GPR158: variants seen among roughly 807,000 people sequenced by gnomAD.
The protein encoded by GPR158 is metabotropic glycine receptor.
Under a neutral mutation model 78.2 loss-of-function variants are expected in GPR158, and 30 were observed. The ratio of observed to expected loss-of-function variants is 0.38; its 90% confidence interval spans 0.29 to 0.52. GPR158 has a LOEUF of 0.52. Ranked by LOEUF, GPR158 falls within the 20% of genes least tolerant of loss-of-function variation. GPR158 has a pLI of 0.83. For missense variants in GPR158, 1,463 were observed against 1,523.5 expected (o/e 0.96, Z 0.66); for synonymous variants, 581 against 591.1 (o/e 0.98, Z 0.25).
At position 25,239,607 on chromosome 10, in the gene GPR158, CA is replaced by C. The variant is rs11394522; in HGVS notation, c.1008+18465del. On this transcript the variant is annotated intron_variant, in intron 2 of 10. Transcript: ENST00000376351. ...TGGGTGACAGAGCGAGACTCTGTCTCAAAAAAAAAAAAAAAGTTATCACCAA... is the reference window on the plus strand; with the variant it reads ...TGGGTGACAGAGCGAGACTCTGTCTCAAAAAAAAAAAAAAGTTATCACCAA... Among the ~76,000 whole-genome samples the C allele has an allele frequency of 6.3e-3, 866 of 137,742 alleles. 13 individuals are homozygous for C. Among genetic ancestry groups the C allele is most frequent in the African/African-American group, 0.02 (743 of 37,536 alleles). The allele number at this position is 137,742 out of a possible 152,430, so 90.4% of individuals were successfully genotyped here.
intron 5 of GPR158, among the ~76,000 whole-genome samples, chr10:25,546,637 A>G (rs958481078): frequency 3.3e-5 from 5 of 152,100 alleles, no homozygotes; most frequent in Non-Finnish European, 7.4e-5. Flanking sequence ...AGAAATATTT[A>G]CTGAGCACTT....
At chr10:25,193,559 G>A (rs977883859) in intron 1 of GPR158, among the ~76,000 whole-genome samples, 5 of 152,210 alleles carry the variant, frequency 3.3e-5, no homozygotes, top group African/African-American at 1.2e-4. Context: ...CGTGCAGAAG[G>A]TGCTCAATAA....
intron 2 of GPR158, among the ~76,000 whole-genome samples, chr10:25,265,890 T>G (rs1854038884): frequency 6.6e-6 from 1 of 152,176 alleles, no homozygotes; most frequent in Admixed American, 6.5e-5. Context: ...GAGTGTTATT[T>G]TCAAAATGAA....
chr10:25,535,842 A>T (rs1836493068), intron 5 of GPR158, among the ~76,000 whole-genome samples: 1 of 152,180 alleles, frequency 6.6e-6, no homozygotes, highest in South Asian at 2.1e-4. Context: ...TTCTGTCCTT[A>T]TTTGAAGATA....
chr10:25,552,745 C>T (rs1836743049), intron 6 of GPR158, among the ~76,000 whole-genome samples: 1 of 152,172 alleles, frequency 6.6e-6, no homozygotes, highest in Non-Finnish European at 1.5e-5. Flanking sequence ...CATTCATATT[C>T]CCCTGACTCA....
Position 25,598,221 on chromosome 10 carries a change from C to T in GPR158, c.2595C>T (p.Ser865=), listed in dbSNP as rs745646013. 4.5e-5 allele frequency: 72 copies of T among 1,614,054 alleles called. No homozygotes were observed. The highest frequency in any genetic ancestry group is 1.7e-4 in the Middle Eastern group (1 of 6,060). The change falls in exon 11 of 11, where the codon AGC becomes AGT. Residue 865 remains serine, a synonymous_variant. Coordinates refer to ENST00000376351, the MANE Select transcript of GPR158 (RefSeq NM_020752.3). ...TAACACAAAAACTAAAAGAAGACAG[C>T]GAGGCTGAGTCCACGGAGTCGGTGC... ...KKLTQKLKED[S]EAESTESVPL... is the part of the protein sequence containing the mutation.
intron 5 of GPR158, among the ~76,000 whole-genome samples, chr10:25,511,233 C>T (rs1410021582): frequency 6.6e-6 from 1 of 152,118 alleles, no homozygotes; most frequent in East Asian, 1.9e-4. Context: ...TTGGTTATGG[C>T]CATTCTTGCA....
At chr10:25,230,036 T>A (rs1853428083) in intron 2 of GPR158, among the ~76,000 whole-genome samples, 2 of 152,200 alleles carry the variant, frequency 1.3e-5, no homozygotes, top group African/African-American at 4.8e-5. Context: ...GCTTTGTGCT[T>A]GCCAGAATGT....
chr10:25,341,427 G>C (rs981586729), intron 2 of GPR158, among the ~76,000 whole-genome samples: 3 of 151,816 alleles, frequency 2.0e-5, no homozygotes, highest in African/African-American at 7.2e-5. Context: ...ATAAGCCAAG[G>C]ATGTATATTG....
At position 25,596,672 on chromosome 10, in the gene GPR158, T is replaced by A. The variant is rs754580036; in HGVS notation, c.2028T>A (p.Asp676Glu). 1.2e-6 allele frequency: 2 copies of A among 1,613,216 alleles called. No individual in the cohort carries two copies. The highest frequency in any genetic ancestry group is 1.7e-6 in the Non-Finnish European group (2 of 1,179,362). ...CACATTCAAGCAATAACCCACGAGATGATATTGCTACAGAAGCATATGAGG... is the reference window on the plus strand; with the variant it reads ...CACATTCAAGCAATAACCCACGAGAAGATATTGCTACAGAAGCATATGAGG... ...KFSHSSNNPR[D>E]DIATEAYEDE... The change falls in exon 10 of 11, where the codon GAT (aspartate) becomes GAA (glutamate). Residue 676 changes from aspartate to glutamate, a missense_variant. By Grantham distance (45) the Asp-to-Glu change is conservative (BLOSUM62 2). Coordinates refer to ENST00000376351, the MANE Select transcript of GPR158 (RefSeq NM_020752.3).
intron 1 of GPR158, among the ~76,000 whole-genome samples, chr10:25,215,893 T>C (rs887769265): frequency 6.6e-6 from 1 of 152,188 alleles, no homozygotes; most frequent in Non-Finnish European, 1.5e-5. Flanking sequence ...TCTTTTTATA[T>C]TTATCAGTGG....
intron 5 of GPR158, among the ~76,000 whole-genome samples, chr10:25,536,635 T>A (rs185236982): frequency 1.3e-5 from 2 of 152,352 alleles, no homozygotes; most frequent in Non-Finnish European, 1.5e-5. Flanking sequence ...ATTTTTAACC[T>A]CTCTGCCAAA....
intron 5 of GPR158, among the ~76,000 whole-genome samples, chr10:25,517,154 A>G (rs1337946975): frequency 6.8e-6 from 1 of 146,396 alleles, no homozygotes; most frequent in Non-Finnish European, 1.5e-5. Context: ...GAGTTCACTC[A>G]TGATTTGGCT....
intron 5 of GPR158, among the ~76,000 whole-genome samples, chr10:25,542,541 G>A (rs1836600812): frequency 6.6e-6 from 1 of 151,984 alleles, no homozygotes; most frequent in South Asian, 2.1e-4. Context: ...TTCTTCTATG[G>A]GCCAGGCGCA....
At chr10:25,389,662 C>T (rs1241637177) in intron 2 of GPR158, among the ~76,000 whole-genome samples, 1 of 152,152 alleles carries the variant, frequency 6.6e-6, no homozygotes, top group Non-Finnish European at 1.5e-5. Context: ...AAACACGCCC[C>T]TTGCATGCCA....
chr10:25,455,596 A>C (rs540920321), intron 4 of GPR158, among the ~76,000 whole-genome samples: 2 of 152,310 alleles, frequency 1.3e-5, no homozygotes, highest in Non-Finnish European at 2.9e-5. Flanking sequence ...TAAAACATCC[A>C]TCAGTTAATG....
chr10:25,247,383 T>C lies in GPR158; in HGVS notation c.1008+26226T>C, dbSNP rs532740169. Among the ~76,000 whole-genome samples the C allele has an allele frequency of 4.7e-4, 70 of 148,796 alleles. 1 individual carries two copies. The highest frequency in any genetic ancestry group is 6.8e-3 in the Middle Eastern group (2 of 294). ...ACATTGTGCAGGTTAGTTACATATGTATACATGTGCCATGCTGGTGCGCTG... is the reference window on the plus strand; with the variant it reads ...ACATTGTGCAGGTTAGTTACATATGCATACATGTGCCATGCTGGTGCGCTG... On this transcript the variant is annotated intron_variant, in intron 2 of 10. Transcript: ENST00000376351.
intron 4 of GPR158, among the ~76,000 whole-genome samples, chr10:25,428,044 A>G (rs998180037): frequency 1.3e-5 from 2 of 152,082 alleles, no homozygotes; most frequent in African/African-American, 2.4e-5. Context: ...GAGTTGGAAT[A>G]TATAAATTAT....
chr10:25,260,271 C>T (rs954869677), intron 2 of GPR158, among the ~76,000 whole-genome samples: 1 of 151,972 alleles, frequency 6.6e-6, no homozygotes, highest in Non-Finnish European at 1.5e-5. Context: ...TTGTCTTTTT[C>T]CCCTTATAAC....
Sources: allele counts gnomAD v4.1 joint callset (sites outside exome capture counted in the v4.1 genomes callset), GRCh38; gene constraint gnomAD v4.1.1; transcripts MANE v1.5; gene names NCBI Gene and HGNC (gene_info 2026-07-23, HGNC 2026-07-21).